Variants in TMTC3 observed in about 807,000 individuals in gnomAD.
TMTC3 encodes the protein transmembrane O-mannosyltransferase targeting cadherins 3, also known as protein O-mannosyl-transferase TMTC3.
Under a neutral mutation model 92.2 loss-of-function variants are expected in TMTC3, and 52 were observed. The ratio of observed to expected loss-of-function variants is 0.56; its 90% CI spans 0.45 to 0.71. The LOEUF is 0.71. Among genes scored for constraint, TMTC3 ranks in the 30% least tolerant of loss-of-function variants. The pLI is 0.00. For synonymous variants in TMTC3, 339 were observed against 363.3 expected (o/e 0.93, Z 0.76); for missense variants, 896 against 1,057.1 (o/e 0.85, Z 2.11).
At position 88,172,639 on chromosome 12, in the gene TMTC3, C is replaced by CT. The variant is rs751346733; in HGVS notation, c.1101dup (p.Pro368SerfsTer36). ...ATTACCATTTATTCCTGCATCGAAC[C>CT]TTTTTTTTCCAGTTGGATTTGTTGT... On this transcript the variant is annotated frameshift_variant, in exon 8 of 14. Coordinates refer to ENST00000266712, the MANE Select transcript of TMTC3 (RefSeq NM_181783.4). LOFTEE classifies it high-confidence loss of function. 2.6e-5 allele frequency: 41 copies of CT among 1,561,764 alleles called. No homozygotes were observed. Among genetic ancestry groups the CT allele is most frequent in the South Asian group, 1.4e-4 (11 of 80,742 alleles).
chr12:88,167,600 T>G (rs2041160261), intron 7 of TMTC3, among the ~76,000 whole-genome samples: 1 of 152,178 alleles, frequency 6.6e-6, no homozygotes, highest in African/African-American at 2.4e-5. Flanking sequence ...GCTGAGGTTA[T>G]GATAGTAAAT....
In TMTC3 at chr12:88,199,043, C is replaced by T. The variant is rs535494585; in HGVS notation, c.*3394C>T. ...TTCTTAAAACCATAACCTGGCTTGC[C>T]TTTTAGTGTTAAAAAAATACAACAT... On this transcript the variant is annotated 3_prime_UTR_variant, in exon 14 of 14. Transcript: ENST00000266712. The T allele has an allele frequency of 2.3e-5, 1 of 44,058 alleles. No homozygotes were observed. The highest frequency in any genetic ancestry group is 9.8e-4 in the South Asian group (1 of 1,022). 2.7% of individuals were successfully genotyped at this position (44,058 alleles called of 1,614,324 possible). A position where few individuals can be genotyped will look rare whatever the true frequency, so the allele number is the denominator to read the frequency against.
At chr12:88,148,240 C>T in intron 1 of TMTC3, 48 bp from the exon 2 acceptor site, 1 of 1,268,874 alleles carries the variant, frequency 7.9e-7, no homozygotes, top group South Asian at 1.5e-5. Context: ...ATTGAACTTA[C>T]TTGGAATAAA....
At chr12:88,169,596 A>G (rs1051057420) in intron 7 of TMTC3, among the ~76,000 whole-genome samples, 1 of 152,172 alleles carries the variant, frequency 6.6e-6, no homozygotes, top group African/African-American at 2.4e-5. Flanking sequence ...ATAAGATGTC[A>G]TATATATGTC....
intron 10 of TMTC3, among the ~76,000 whole-genome samples, chr12:88,183,512 C>T (rs1249399032): frequency 6.6e-6 from 1 of 152,174 alleles, no homozygotes; most frequent in Non-Finnish European, 1.5e-5. Flanking sequence ...GGCAAAACCT[C>T]TGTTTCCCCT....
At chr12:88,188,795 A>G (rs777209438) in intron 10 of TMTC3, 48 bp from the exon 11 acceptor site, 6 of 897,900 alleles carry the variant, frequency 6.7e-6, no homozygotes, top group Admixed American at 2.4e-5. Flanking sequence ...AGTATATTGA[A>G]TATATCAGTT....
In TMTC3 at chr12:88,198,600, T is replaced by G. The variant is rs1490297559; in HGVS notation, c.*2951T>G. 7.1e-5 allele frequency: 28 copies of G among 391,888 alleles called. No individual in the cohort carries two copies. Among genetic ancestry groups the G allele is most frequent in the Non-Finnish European group, 9.0e-6 (2 of 221,980 alleles). 24.3% of individuals were successfully genotyped at this position (391,888 alleles called of 1,614,324 possible). A position where few individuals can be genotyped will look rare whatever the true frequency, so the allele number is the denominator to read the frequency against. On this transcript the variant is annotated 3_prime_UTR_variant, in exon 14 of 14. Transcript: ENST00000266712. ...TAAAATAACGTATTTTGCTTTTCAATTTTGTGTTTGTTTACTTTTATGTAA... is the reference window on the plus strand; with the variant it reads ...TAAAATAACGTATTTTGCTTTTCAAGTTTGTGTTTGTTTACTTTTATGTAA...
intron 13 of TMTC3, among the ~76,000 whole-genome samples, chr12:88,193,811 A>G (rs1450847668): frequency 6.6e-6 from 1 of 152,212 alleles, no homozygotes; most frequent in Non-Finnish European, 1.5e-5. Flanking sequence ...TTCTACCTTG[A>G]TAATCATGAA....
At chr12:88,182,454 A>G (rs1343629548) in intron 10 of TMTC3, among the ~76,000 whole-genome samples, 1 of 152,230 alleles carries the variant, frequency 6.6e-6, no homozygotes, top group African/African-American at 2.4e-5. Context: ...GGCAAAGCCA[A>G]TTAATATCGC....
At chr12:88,153,074 G>C (rs1379583462) in intron 2 of TMTC3, among the ~76,000 whole-genome samples, 1 of 152,078 alleles carries the variant, frequency 6.6e-6, no homozygotes, top group Non-Finnish European at 1.5e-5. Flanking sequence ...GTATATCCAG[G>C]AGGAAATTAA....
intron 13 of TMTC3, among the ~76,000 whole-genome samples, chr12:88,193,358 C>T (rs1023504629): frequency 6.6e-6 from 1 of 151,792 alleles, no homozygotes; most frequent in African/African-American, 2.4e-5. Flanking sequence ...AATTATTAAC[C>T]ACAGTAAATC....
chr12:88,189,770 A>G (rs2041422266), intron 11 of TMTC3, among the ~76,000 whole-genome samples: 1 of 152,132 alleles, frequency 6.6e-6, no homozygotes, highest in African/African-American at 2.4e-5. Flanking sequence ...TTGTCTGGTG[A>G]AGTTTGGAAA....
At chr12:88,167,637 A>G (rs571717153) in intron 7 of TMTC3, among the ~76,000 whole-genome samples, 2 of 152,294 alleles carry the variant, frequency 1.3e-5, no homozygotes, top group East Asian at 3.9e-4. Context: ...CAGAGAACTT[A>G]CACAGTTCAC....
At position 88,196,186 on chromosome 12, in the gene TMTC3, G is replaced by T. The variant is rs185913836; in HGVS notation, c.*537G>T. 6.6e-6 allele frequency: 1 copy of T among 152,276 alleles called. No individual in the cohort carries two copies. Among genetic ancestry groups the T allele is most frequent in the Non-Finnish European group, 1.5e-5 (1 of 67,874 alleles). 9.4% of individuals were successfully genotyped at this position (152,276 alleles called of 1,614,324 possible). A position where few individuals can be genotyped will look rare whatever the true frequency, so the allele number is the denominator to read the frequency against. The stretch of plus-strand genomic sequence containing the variant: ...TTGAGTTTTAGAAGGAATGCTTGAT[G>T]AAACATTTTAAAATAAGTCATGACA... On this transcript the variant is annotated 3_prime_UTR_variant, in exon 14 of 14. Coordinates refer to ENST00000266712, the MANE Select transcript of TMTC3 (RefSeq NM_181783.4).
At chr12:88,183,509 C>T (rs2041341723) in intron 10 of TMTC3, among the ~76,000 whole-genome samples, 1 of 152,118 alleles carries the variant, frequency 6.6e-6, no homozygotes, top group Non-Finnish European at 1.5e-5. Context: ...TCAGGCAAAA[C>T]CTCTGTTTCC....
rs370505894 is a variant in TMTC3, at chr12:88,142,400, G to C, written c.-116G>C. ...GCAAACTGGTGGCCTGAACGAGGTA[G>C]ACCATGACTGTGGTTTCAGTGGCGT... On this transcript the variant is annotated 5_prime_UTR_variant, in exon 1 of 14. Transcript: ENST00000266712. 2 of 152,540 alleles carry C rather than the reference G, an allele frequency of 1.3e-5. No homozygotes were observed. Among genetic ancestry groups the C allele is most frequent in the African/African-American group, 4.8e-5 (2 of 41,476 alleles). The allele number at this position is 152,540 out of a possible 1,614,324, so 9.4% of individuals were successfully genotyped here. A position where few individuals can be genotyped will look rare whatever the true frequency, so the allele number is the denominator to read the frequency against.
At chr12:88,184,137 GCAC>G (rs2041349568) in intron 10 of TMTC3, among the ~76,000 whole-genome samples, 1 of 152,122 alleles carries the variant, frequency 6.6e-6, no homozygotes, top group South Asian at 2.1e-4. Flanking sequence ...GCATGGCTCA[GCAC>G]CACCAACAAG....
intron 11 of TMTC3, 97 bp downstream of exon 11, chr12:88,189,043 G>T: frequency 4.3e-6 from 3 of 692,980 alleles, no homozygotes; most frequent in Non-Finnish European, 4.9e-6. Context: ...TCTTCAGTTA[G>T]TTGATATAAA....
At chr12:88,175,384 C>T (rs767789879) in intron 9 of TMTC3, among the ~76,000 whole-genome samples, 1 of 152,176 alleles carries the variant, frequency 6.6e-6, no homozygotes, top group Non-Finnish European at 1.5e-5. Context: ...TACCCCTCTT[C>T]AGATATCTGA....
Sources: gnomAD v4.1 joint callset for allele counts (sites outside exome capture counted in the v4.1 genomes callset) on GRCh38, gnomAD v4.1.1 for gene constraint, MANE v1.5 for transcripts, NCBI Gene and HGNC (gene_info 2026-07-23, HGNC 2026-07-21) for gene names.